ATG2B: variants seen among roughly 807,000 people sequenced by gnomAD.
ATG2B encodes autophagy-related protein 2 homolog B.
In ATG2B, 121 loss-of-function variants were observed where a neutral mutation model predicts 241.3. The ratio of observed to expected loss-of-function variants is 0.50; its 90% CI spans 0.43 to 0.58. The LOEUF (loss-of-function observed/expected upper bound fraction) is 0.58. Ranked by LOEUF, ATG2B falls within the 20% of genes least tolerant of loss-of-function variation. The probability of loss-of-function intolerance (pLI) is 0.00; values close to 1 mark genes in which losing one functional copy is unlikely to be tolerated. For synonymous variants in ATG2B, 858 were observed against 876.6 expected, an observed-to-expected ratio of 0.98 and a Z score of 0.37; for missense variants, 2,306 against 2,491.6, an observed-to-expected ratio of 0.93 and a Z score of 1.59.
chr14:96,346,165 T>C (rs1888164292), intron 2 of ATG2B, among the ~76,000 whole-genome samples: 1 of 152,096 alleles, frequency 6.6e-6, no homozygotes, highest in Non-Finnish European at 1.5e-5. Context: ...TGGAAATTAG[T>C]ATATATGTAG....
chr14:96,310,866 A>C (rs891398621), intron 28 of ATG2B, among the ~76,000 whole-genome samples: 5 of 152,332 alleles, frequency 3.3e-5, no homozygotes, highest in Middle Eastern at 3.4e-3. Flanking sequence ...AGATGAAAAT[A>C]ACAAGTCTAG....
intron 35 of ATG2B, 29 bp from the exon 36 acceptor site, chr14:96,295,196 A>T: frequency 6.5e-7 from 1 of 1,547,002 alleles, no homozygotes; most frequent in Non-Finnish European, 8.9e-7. Context: ...TGTTTGAAAA[A>T]TTAGATATGC....
At position 96,323,822 on chromosome 14, in the gene ATG2B, C is replaced by T. The variant is rs1467522962; in HGVS notation, c.2540+74G>A. 6.0e-6 allele frequency: 6 copies of T among 993,856 alleles called. No individual in the cohort carries two copies. The African/African-American group carries it at 6.7e-5, about 11-fold the overall frequency. The allele number at this position is 993,856 out of a possible 1,614,324, so 61.6% of individuals were successfully genotyped here. A position where few individuals can be genotyped will look rare whatever the true frequency, so the allele number is the denominator to read the frequency against. ...ACATGTTTAGCTTATATTTAATAGA[C>T]AAAATGTTGGTTTAAAAGAATATTT... On this transcript the variant is annotated intron_variant, in intron 16 of 41. Coordinates refer to ENST00000359933, the MANE Select transcript of ATG2B (RefSeq NM_018036.7).
In ATG2B at chr14:96,281,746, G is replaced by C. The variant is rs1201053161; in HGVS notation, c.*4009C>G. 2 of 152,216 alleles carry C rather than the reference G, an allele frequency of 1.3e-5. No individual in the cohort carries two copies. The highest frequency in any genetic ancestry group is 4.8e-5 in the African/African-American group (2 of 41,452). 9.4% of individuals were successfully genotyped at this position (152,216 alleles called of 1,614,324 possible). A position where few individuals can be genotyped will look rare whatever the true frequency, so the allele number is the denominator to read the frequency against. On this transcript the variant is annotated 3_prime_UTR_variant, in exon 42 of 42. Coordinates refer to ENST00000359933, the MANE Select transcript of ATG2B (RefSeq NM_018036.7). ...GACATTTACAATCTCTTGAAATGCA[G>C]CAGATGGCACTCTGGTGCTTCCTAT...
At chr14:96,291,804 T>C in intron 37 of ATG2B, 122 bp from the exon 38 acceptor site, 1 of 695,948 alleles carries the variant, frequency 1.4e-6, no homozygotes, top group Non-Finnish European at 2.3e-6. Context: ...CTTAAAATAT[T>C]TACAGTAAAA....
At position 96,311,171 on chromosome 14, in the gene ATG2B, C is replaced by A. The variant is rs1887143239; in HGVS notation, c.4107G>T (p.Leu1369Phe). 6.2e-7 allele frequency: 1 copy of A among 1,613,904 alleles called. No homozygotes were observed. Among genetic ancestry groups the A allele is most frequent in the Non-Finnish European group, 8.5e-7 (1 of 1,179,870 alleles). Residue 1369 changes from leucine (L) to phenylalanine (F), a missense_variant, in exon 28 of 42, where the codon TTG becomes TTT. Leu to Phe is a conservative substitution (Grantham distance 22). Transcript: ENST00000359933. ...TCATATCTGCCTTGTTAGGTGTCTG[C>A]AAGTCACCATAGCTTGCAATGTACT... is the stretch of plus-strand genomic sequence containing the variant. ...LIQYIASYGD[L>F]QTPNKADMKP...
At chr14:96,317,600 T>C in intron 19 of ATG2B, 98 bp downstream of exon 19, 11 of 1,091,992 alleles carry the variant, frequency 1.0e-5, no homozygotes, top group Non-Finnish European at 1.4e-5. Context: ...ATAGTTACAA[T>C]GAAACATAAA....
chr14:96,290,396 T>A lies in ATG2B; in HGVS notation c.5856+40A>T. On this transcript the variant is annotated intron_variant, in intron 40 of 41. Transcript: ENST00000359933. This position sits in a 1 kb window ranked among gnomAD's most constrained non-coding sequence, Gnocchi z 4.4. Reference sequence around the variant, plus strand: ...ACAAAAGGACCCAACCATTTCACAATGGCTCTTTTTGGATAGACTAAGGCA... The same window carrying A: ...ACAAAAGGACCCAACCATTTCACAAAGGCTCTTTTTGGATAGACTAAGGCA... 6.3e-7 allele frequency: 1 copy of A among 1,588,762 alleles called. No homozygotes were observed. The highest frequency in any genetic ancestry group is 1.7e-4 in the Middle Eastern group (1 of 5,872).
intron 1 of ATG2B, among the ~76,000 whole-genome samples, chr14:96,355,552 T>C (rs1888450190): frequency 6.6e-6 from 1 of 152,148 alleles, no homozygotes. Flanking sequence ...GTCCATAAAA[T>C]AGAAATAGTA....
chr14:96,333,503 T>C (rs1887792882), intron 8 of ATG2B, among the ~76,000 whole-genome samples, 185 bp downstream of exon 8: 2 of 152,218 alleles, frequency 1.3e-5, no homozygotes, highest in South Asian at 2.1e-4. Context: ...ATAGCACCTA[T>C]GTGCTGGTGC....
At chr14:96,358,871 C>T (rs1192250257) in intron 1 of ATG2B, among the ~76,000 whole-genome samples, 2 of 152,010 alleles carry the variant, frequency 1.3e-5, no homozygotes, top group African/African-American at 4.8e-5. Context: ...TCCTTTAGAG[C>T]TTTTTATTCT....
chr14:96,285,578 A>G lies in ATG2B; in HGVS notation c.*177T>C, dbSNP rs1380360717. ...ACATTTCTATAGGCAAGTATCAACT[A>G]TAAATGTCAGAAGTTTTTGGTTGCA... On this transcript the variant is annotated 3_prime_UTR_variant, in exon 42 of 42. Transcript: ENST00000359933. The surrounding 1 kb of genome is among the most constrained non-coding windows in gnomAD (Gnocchi z 4.2). 2 of 624,754 alleles carry G rather than the reference A, an allele frequency of 3.2e-6. No individual in the cohort carries two copies. Among genetic ancestry groups the G allele is most frequent in the Non-Finnish European group, 5.6e-6 (2 of 357,730 alleles). The allele number at this position is 624,754 out of a possible 1,614,324, so 38.7% of individuals were successfully genotyped here.
At position 96,289,944 on chromosome 14, in the gene ATG2B, A is replaced by G. The variant is rs1886440105; in HGVS notation, c.5857-139T>C. On this transcript the variant is annotated intron_variant, in intron 40 of 41. Coordinates refer to ENST00000359933, the MANE Select transcript of ATG2B (RefSeq NM_018036.7). This position sits in a 1 kb window ranked among gnomAD's most constrained non-coding sequence, Gnocchi z 4.3. Reference sequence around the variant, plus strand: ...AATGAAGACACTTCTGCGTATCTGAATTCTTTACCACAAGAATTGATGACT... The same window carrying G: ...AATGAAGACACTTCTGCGTATCTGAGTTCTTTACCACAAGAATTGATGACT... 3.3e-6 allele frequency: 3 copies of G among 906,570 alleles called. No individual in the cohort carries two copies. The highest frequency in any genetic ancestry group is 4.9e-6 in the Non-Finnish European group (3 of 616,194). The allele number at this position is 906,570 out of a possible 1,614,324, so 56.2% of individuals were successfully genotyped here. A position where few individuals can be genotyped will look rare whatever the true frequency, so the allele number is the denominator to read the frequency against.
At chr14:96,288,078 A>G (rs971079023) in intron 41 of ATG2B, among the ~76,000 whole-genome samples, 7 of 151,996 alleles carry the variant, frequency 4.6e-5, no homozygotes, top group Non-Finnish European at 1.0e-4. Context: ...TACCATCTCA[A>G]TCCACACTTA....
In ATG2B at chr14:96,291,594, A is replaced by C; in HGVS notation, c.5579+6T>G. ...ACTTAAAGCTTCATATAATAAATTCACTTACCCATGTCGATAGGAAAGCCT... is the reference window on the plus strand; with the variant it reads ...ACTTAAAGCTTCATATAATAAATTCCCTTACCCATGTCGATAGGAAAGCCT... On this transcript the variant is annotated splice_donor_region_variant and intron_variant, in intron 38 of 41. Coordinates refer to ENST00000359933, the MANE Select transcript of ATG2B (RefSeq NM_018036.7). 6.3e-7 allele frequency: 1 copy of C among 1,590,826 alleles called. No individual in the cohort carries two copies. Among genetic ancestry groups the C allele is most frequent in the Non-Finnish European group, 8.6e-7 (1 of 1,164,198 alleles).
At chr14:96,341,414 C>G in intron 6 of ATG2B, 108 bp downstream of exon 6, 2 of 825,782 alleles carry the variant, frequency 2.4e-6, no homozygotes, top group Non-Finnish European at 3.6e-6. Flanking sequence ...CAGCAGTACA[C>G]TAGTTACAGG....
Position 96,284,724 on chromosome 14 carries a change from T to C in ATG2B, c.*1031A>G, listed in dbSNP as rs576790235. On this transcript the variant is annotated 3_prime_UTR_variant, in exon 42 of 42. Transcript: ENST00000359933. ...AATATGCTCTAAGAAAAGCAAAATA[T>C]TCATGGAAGCATAAAACAATATCAC... 19 of 152,310 alleles carry C rather than the reference T, an allele frequency of 1.2e-4. No individual in the cohort carries two copies. The highest frequency in any genetic ancestry group is 3.8e-4 in the African/African-American group (16 of 41,574). The allele number at this position is 152,310 out of a possible 1,614,324, so 9.4% of individuals were successfully genotyped here.
chr14:96,318,450 A>G (rs1352852969), intron 18 of ATG2B, among the ~76,000 whole-genome samples: 1 of 152,158 alleles, frequency 6.6e-6, no homozygotes, highest in Non-Finnish European at 1.5e-5. Context: ...CCAGCTCCCA[A>G]TTCAGTTCTT....
intron 34 of ATG2B, 39 bp from the exon 35 acceptor site, chr14:96,295,599 G>T: frequency 7.4e-7 from 1 of 1,343,800 alleles, no homozygotes; most frequent in Non-Finnish European, 1.0e-6. Flanking sequence ...AGGAAGAAAA[G>T]AATCACCTAT....
Sources: allele counts gnomAD v4.1 joint callset (sites outside exome capture counted in the v4.1 genomes callset), GRCh38; gene constraint gnomAD v4.1.1; non-coding constraint Gnocchi (gnomAD v3.1); transcripts MANE v1.5; gene names NCBI Gene and HGNC (gene_info 2026-07-23, HGNC 2026-07-21).